The following RBFOX3 variants were observed in gnomAD, a reference collection of about 807,000 sequenced individuals.
RBFOX3 encodes the protein RNA binding fox-1 homolog 3.
In RBFOX3, 17 loss-of-function variants were observed where a neutral mutation model predicts 48.7. The ratio of observed to expected loss-of-function variants is 0.35; its 90% CI spans 0.24 to 0.52. The LOEUF (loss-of-function observed/expected upper bound fraction) is 0.52. Ranked by LOEUF, RBFOX3 falls within the 20% of genes least tolerant of loss-of-function variation. The pLI is 0.94. For missense variants in RBFOX3, 382 were observed against 497.5 expected (o/e 0.77, Z 2.21); for synonymous variants, 212 against 209.5 (o/e 1.01, Z -0.10).
intron 1 of RBFOX3, among the ~76,000 whole-genome samples, chr17:79,543,231 T>C (rs868981000): frequency 2.0e-5 from 3 of 152,118 alleles, no homozygotes; most frequent in Non-Finnish European, 4.4e-5. Flanking sequence ...CCTCCACGCC[T>C]TACTGAGCAT....
intron 1 of RBFOX3, among the ~76,000 whole-genome samples, chr17:79,544,199 C>T (rs1220167039): frequency 5.3e-5 from 8 of 152,178 alleles, no homozygotes; most frequent in Non-Finnish European, 1.2e-4. Flanking sequence ...TGACACTGGC[C>T]GGTCACTGTC....
intron 4 of RBFOX3, among the ~76,000 whole-genome samples, chr17:79,219,654 C>T (rs1382026933): frequency 6.6e-6 from 1 of 152,094 alleles, no homozygotes; most frequent in African/African-American, 2.4e-5. Flanking sequence ...AGTGGGGGCG[C>T]CTACTCTCCC....
the RBFOX3 span, among the ~76,000 whole-genome samples, chr17:79,622,098 TC>T: frequency 4.6e-5 from 7 of 151,632 alleles, no homozygotes; most frequent in African/African-American, 1.7e-4. Context: ...CTCATTCTCC[TC>T]CTGGAGACTC....
chr17:79,153,157 T>C (rs981802036), intron 4 of RBFOX3, among the ~76,000 whole-genome samples: 14 of 152,324 alleles, frequency 9.2e-5, no homozygotes, highest in African/African-American at 3.1e-4. Context: ...CCCTTGGCCC[T>C]GTTCTGGGGT....
At chr17:79,271,441 G>C (rs1274246803) in intron 3 of RBFOX3, among the ~76,000 whole-genome samples, 1 of 152,210 alleles carries the variant, frequency 6.6e-6, no homozygotes, top group Admixed American at 6.5e-5. Context: ...AGTCTTCTAA[G>C]CTTGGGTCGG....
At chr17:79,130,772 T>C (rs1048320894) in intron 4 of RBFOX3, among the ~76,000 whole-genome samples, 3 of 152,246 alleles carry the variant, frequency 2.0e-5, no homozygotes, top group Non-Finnish European at 4.4e-5. Context: ...TGGAGTGCCC[T>C]GTCCTTCAGC....
intron 1 of RBFOX3, among the ~76,000 whole-genome samples, chr17:79,577,574 G>C (rs979377352): frequency 6.6e-5 from 10 of 152,358 alleles, no homozygotes; most frequent in Non-Finnish European, 1.2e-4. Flanking sequence ...CCAGTGCCAA[G>C]TTCCCTTGCA....
intron 4 of RBFOX3, among the ~76,000 whole-genome samples, chr17:79,222,839 G>A (rs1003975682): frequency 2.0e-5 from 3 of 152,206 alleles, no homozygotes; most frequent in African/African-American, 7.2e-5. Flanking sequence ...ATGAAGAGGT[G>A]GCCGGGCATG....
At chr17:79,637,744 A>AGGGGC in the RBFOX3 span, among the ~76,000 whole-genome samples, 1 of 83,880 alleles carries the variant, frequency 1.2e-5, no homozygotes, top group African/African-American at 4.6e-5. Context: ...AGGGGAGGGG[A>AGGGGC]GGGGAGAGGA....
At chr17:79,539,940 CA>C (rs1373546990) in intron 1 of RBFOX3, among the ~76,000 whole-genome samples, 56 of 152,206 alleles carry the variant, frequency 3.7e-4, no homozygotes, top group Non-Finnish European at 8.2e-4. Flanking sequence ...CATACCTATA[CA>C]AAAAAACCTT....
chr17:79,157,258 C>T (rs1405359195), intron 4 of RBFOX3, among the ~76,000 whole-genome samples: 3 of 152,322 alleles, frequency 2.0e-5, no homozygotes, highest in Admixed American at 6.5e-5. Context: ...CCTGGCCTGG[C>T]GTCCATCAGC....
intron 4 of RBFOX3, among the ~76,000 whole-genome samples, chr17:79,182,330 G>A (rs1301232031): frequency 2.0e-5 from 3 of 152,190 alleles, no homozygotes; most frequent in South Asian, 2.1e-4. Flanking sequence ...ACAGCGCCAG[G>A]AGGAAGAGAC....
intron 2 of RBFOX3, among the ~76,000 whole-genome samples, chr17:79,388,547 A>G (rs929649806): frequency 1.3e-5 from 2 of 152,166 alleles, no homozygotes; most frequent in Non-Finnish European, 2.9e-5. Context: ...TTTTTAATAA[A>G]TCTCTAATCT....
rs780258223 is a variant in RBFOX3, at chr17:79,391,040, G to T, written c.-174-83216C>A. On this transcript the variant is annotated intron_variant, in intron 2 of 14. Transcript: ENST00000693108. The surrounding 1 kb of genome is among the most constrained non-coding windows in gnomAD (Gnocchi z 5.0). Reference sequence around the variant, plus strand: ...AAGGCTTTCTCGCTGTCTCTTCAAAGTCTCTCTTCTACCCACTGCCATGGG... The same window carrying T: ...AAGGCTTTCTCGCTGTCTCTTCAAATTCTCTCTTCTACCCACTGCCATGGG... Among the ~76,000 whole-genome samples, 1 of 152,152 alleles carries T rather than the reference G, an allele frequency of 6.6e-6. No individual in the cohort carries two copies. The highest frequency in any genetic ancestry group is 1.5e-5 in the Non-Finnish European group (1 of 68,026).
intron 2 of RBFOX3, among the ~76,000 whole-genome samples, chr17:79,419,120 T>TC (rs1259421466): frequency 6.6e-5 from 10 of 152,122 alleles, no homozygotes; most frequent in South Asian, 2.1e-4. Flanking sequence ...ATTTCATTTT[T>TC]CCCCACGCCC....
chr17:79,091,578 C>T (rs1479783565), intron 14 of RBFOX3, among the ~76,000 whole-genome samples: 1 of 152,212 alleles, frequency 6.6e-6, no homozygotes, highest in African/African-American at 2.4e-5. Context: ...CCTGCAGTCT[C>T]CCTAATGCAG....
rs886790591 is a variant in RBFOX3, at chr17:79,605,501, C to T, written c.-320+5325G>A. On this transcript the variant is annotated intron_variant, in intron 1 of 14. Transcript: ENST00000693108. The stretch of plus-strand genomic sequence containing the variant: ...TCCCCAAATATGGAGCAGCCAGCCA[C>T]GCAGAGACCTGCGCATACAGAGCTG... 7.1e-3 allele frequency among the ~76,000 whole-genome samples: 1,072 copies of T among 152,008 alleles called. 14 individuals carry two copies. The highest frequency in any genetic ancestry group is 0.024 in the African/African-American group (998 of 41,446).
intron 3 of RBFOX3, among the ~76,000 whole-genome samples, chr17:79,288,485 C>A (rs902158563): frequency 3.3e-5 from 5 of 152,210 alleles, no homozygotes; most frequent in African/African-American, 7.2e-5. Context: ...CAGCCCCCCC[C>A]AGCCCGGCTT....
At chr17:79,453,679 A>T (rs2073967790) in intron 2 of RBFOX3, among the ~76,000 whole-genome samples, 1 of 151,894 alleles carries the variant, frequency 6.6e-6, no homozygotes, top group Admixed American at 6.6e-5. Context: ...GTGTGTGTAG[A>T]TGTGTGTGCA....
Sources: gnomAD v4.1 joint callset for allele counts (sites outside exome capture counted in the v4.1 genomes callset) on GRCh38, gnomAD v4.1.1 for gene constraint, Gnocchi (gnomAD v3.1) non-coding constraint, MANE v1.5 for transcripts, NCBI Gene and HGNC (gene_info 2026-07-23, HGNC 2026-07-21) for gene names.